KDM4C: variants seen among roughly 807,000 people sequenced by gnomAD.
The protein encoded by KDM4C is lysine demethylase 4C.
KDM4C carries 81 observed loss-of-function variants against 129.3 expected under a neutral mutation model. The observed-to-expected ratio is 0.63, with a 90% CI of 0.52 to 0.75. KDM4C has a LOEUF of 0.75. Ranked by LOEUF, KDM4C falls within the 30% of genes least tolerant of loss-of-function variation. The pLI is 0.00. For synonymous variants in KDM4C, 573 were observed against 456.1 expected (o/e 1.26, Z -3.26); for missense variants, 1,457 against 1,304.0 (o/e 1.12, Z -1.81).
intron 17 of KDM4C, among the ~76,000 whole-genome samples, chr9:7,103,000 C>G (rs1402900027): frequency 1.3e-5 from 2 of 152,142 alleles, no homozygotes; most frequent in Admixed American, 1.3e-4. Context: ...ATCATTATTG[C>G]TGTTTTTATT....
intron 17 of KDM4C, among the ~76,000 whole-genome samples, chr9:7,086,126 C>G (rs867363981): frequency 9.2e-5 from 14 of 152,216 alleles, no homozygotes; most frequent in Admixed American, 7.2e-4. Flanking sequence ...CCACTGCACT[C>G]CAGCCTGAGC....
intron 18 of KDM4C, among the ~76,000 whole-genome samples, chr9:7,111,226 A>G (rs1838284947): frequency 6.6e-6 from 1 of 152,058 alleles, no homozygotes; most frequent in Non-Finnish European, 1.5e-5. Context: ...TGTCCCATTC[A>G]TGGTAGGTAT....
intron 7 of KDM4C, among the ~76,000 whole-genome samples, chr9:6,892,299 T>G (rs982587374): frequency 6.6e-6 from 1 of 152,204 alleles, no homozygotes; most frequent in African/African-American, 2.4e-5. Context: ...AGTTTTATAA[T>G]TTTTGTATCG....
chr9:6,835,663 T>G lies in KDM4C; in HGVS notation c.436-13844T>G, dbSNP rs1588598853. On this transcript the variant is annotated intron_variant, in intron 4 of 21. Coordinates refer to ENST00000381309, the MANE Select transcript of KDM4C (RefSeq NM_015061.6). ...CAAGATGAGATTGGCATGGCTTTATTTTTTGTTTTGTTTTGTTTTTGTTTT... is the reference window on the plus strand; with the variant it reads ...CAAGATGAGATTGGCATGGCTTTATGTTTTGTTTTGTTTTGTTTTTGTTTT... 1.3e-5 allele frequency: 10 copies of G among 742,636 alleles called. No individual in the cohort carries two copies. The East Asian group carries it at 2.2e-4, about 16-fold the overall frequency. The allele number at this position is 742,636 out of a possible 1,614,324, so 46.0% of individuals were successfully genotyped here.
At chr9:6,964,576 T>A (rs188226568) in intron 8 of KDM4C, among the ~76,000 whole-genome samples, 469 of 152,080 alleles carry the variant, frequency 3.1e-3, no homozygotes, top group African/African-American at 0.011. Flanking sequence ...TTTATAGAGT[T>A]CAAGACCAGC....
chr9:7,071,947 A>G (rs1187207521), intron 17 of KDM4C, among the ~76,000 whole-genome samples: 4 of 152,204 alleles, frequency 2.6e-5, no homozygotes. Flanking sequence ...AGGATATATA[A>G]AGAACTCTTG....
At position 7,110,162 on chromosome 9, in the gene KDM4C, G is replaced by A. The variant is rs899443070; in HGVS notation, c.2610+6292G>A. ...CTTTGTTTTTTTCGCAGTGGGAAAT[G>A]CCAAAGTTATCTTGGTTTCTATTGT... On this transcript the variant is annotated intron_variant, in intron 18 of 21. Transcript: ENST00000381309. Among the ~76,000 whole-genome samples the A allele has an allele frequency of 5.3e-5, 8 of 152,302 alleles. No individual in the cohort carries two copies. In the East Asian group the frequency reaches 1.5e-3, roughly 29 times the overall value.
intron 15 of KDM4C, among the ~76,000 whole-genome samples, chr9:7,046,218 A>G (rs1275788218): frequency 3.3e-5 from 5 of 152,016 alleles, no homozygotes; most frequent in African/African-American, 7.2e-5. Context: ...GCTAAGACAC[A>G]TAAGAGTGCT....
chr9:6,880,435 G>C (rs1483849384), intron 6 of KDM4C, among the ~76,000 whole-genome samples: 1 of 151,974 alleles, frequency 6.6e-6, no homozygotes, highest in Non-Finnish European at 1.5e-5. Context: ...CGGTATTGTT[G>C]CTGCATCTTG....
intron 1 of KDM4C, among the ~76,000 whole-genome samples, chr9:6,745,005 C>G (rs1005439936): frequency 2.0e-5 from 3 of 152,112 alleles, no homozygotes; most frequent in Admixed American, 6.6e-5. Flanking sequence ...CCTCCTGGTC[C>G]CTCTCCTTCC....
chr9:6,927,208 C>T (rs10123114), intron 8 of KDM4C, among the ~76,000 whole-genome samples: 2,369 of 152,164 alleles, frequency 0.016, 64 homozygotes, highest in African/African-American at 0.054. Flanking sequence ...TGGCTCACTG[C>T]AACCTCCTCT....
At chr9:6,905,197 G>A (rs1455173714) in intron 8 of KDM4C, among the ~76,000 whole-genome samples, 1 of 152,108 alleles carries the variant, frequency 6.6e-6, no homozygotes, top group Admixed American at 6.5e-5. Flanking sequence ...TATAGTTAAC[G>A]AGGAACAAAT....
chr9:6,815,358 T>G (rs1588463895), intron 4 of KDM4C, among the ~76,000 whole-genome samples: 1 of 152,156 alleles, frequency 6.6e-6, no homozygotes, highest in South Asian at 2.1e-4. Flanking sequence ...CTCATTATTT[T>G]CTTTTTTAAT....
chr9:6,930,413 C>T (rs760976225), intron 8 of KDM4C, among the ~76,000 whole-genome samples: 15 of 151,314 alleles, frequency 9.9e-5, no homozygotes, highest in East Asian at 3.9e-4. Flanking sequence ...AAATAAAGCA[C>T]GCGTTGAATT....
chr9:6,729,570 C>A (rs1051303029), intron 1 of KDM4C, among the ~76,000 whole-genome samples: 2 of 133,704 alleles, frequency 1.5e-5, no homozygotes, highest in Non-Finnish European at 3.1e-5. Flanking sequence ...ATCTCCATAA[C>A]TGATTATTTT....
At position 7,046,871 on chromosome 9, in the gene KDM4C, C is replaced by G. The variant is rs1369590558; in HGVS notation, c.2269C>G (p.Leu757Val). 1.2e-6 allele frequency: 2 copies of G among 1,606,924 alleles called. No homozygotes were observed. Among genetic ancestry groups the G allele is most frequent in the Admixed American group, 1.7e-5 (1 of 59,908 alleles). Residue 757 changes from leucine to valine, a missense_variant, in exon 16 of 22, where the codon CTC becomes GTC. Physicochemically the swap from Leu to Val is conservative, Grantham distance 32 (BLOSUM62 1). Transcript: ENST00000381309. ...KRNAWTAECC[L>V]CNLRGGALKQ... ...TTTCTTTTCCCCCCAGGAATGCTGT[C>G]TCTGCAATTTGAGAGGAGGTGCTCT...
chr9:6,989,867 T>G (rs1267370597), intron 11 of KDM4C, among the ~76,000 whole-genome samples: 1 of 152,028 alleles, frequency 6.6e-6, no homozygotes, highest in East Asian at 1.9e-4. Flanking sequence ...CTCCACCTCC[T>G]GGGCTCAAGG....
chr9:6,990,538 C>G lies in KDM4C; in HGVS notation c.1786+14C>G. 6.7e-7 allele frequency: 1 copy of G among 1,484,926 alleles called. No homozygotes were observed. Among genetic ancestry groups the G allele is most frequent in the Non-Finnish European group, 9.0e-7 (1 of 1,114,108 alleles). The allele number at this position is 1,484,926 out of a possible 1,614,324, so 92.0% of individuals were successfully genotyped here. On this transcript the variant is annotated intron_variant, in intron 12 of 21. Coordinates refer to ENST00000381309, the MANE Select transcript of KDM4C (RefSeq NM_015061.6). ...CAAGTGATGAAGGTGAGATGGTGAC[C>G]CTTTTTGGGATTTTTTTTTTTTTTT...
rs150861858 is a variant in KDM4C, at chr9:7,043,706, G to A, written c.2260-3156G>A. On this transcript the variant is annotated intron_variant, in intron 15 of 21. Transcript: ENST00000381309. ...TACTTTTTTTTTTTCAAAATTGGGAGAATAGAACAGAAACTGTGATATCAT... is the reference window on the plus strand; with the variant it reads ...TACTTTTTTTTTTTCAAAATTGGGAAAATAGAACAGAAACTGTGATATCAT... Among the ~76,000 whole-genome samples, 508 of 151,542 alleles carry A rather than the reference G, an allele frequency of 3.4e-3. 2 individuals are homozygous for A. Among genetic ancestry groups the A allele is most frequent in the African/African-American group, 0.011 (447 of 41,346 alleles).
Sources: allele counts gnomAD v4.1 joint callset (sites outside exome capture counted in the v4.1 genomes callset), GRCh38; gene constraint gnomAD v4.1.1; transcripts MANE v1.5; gene names NCBI Gene and HGNC (gene_info 2026-07-23, HGNC 2026-07-21).